KCNN2: variants seen among roughly 807,000 people sequenced by gnomAD.
The protein encoded by KCNN2 is potassium calcium-activated channel subfamily N member 2, also known as small conductance calcium-activated potassium channel protein 2.
In KCNN2, 24 loss-of-function variants were observed where a neutral mutation model predicts 55.5. That is an observed-to-expected ratio of 0.43 (90% CI 0.31 to 0.61). The LOEUF (loss-of-function observed/expected upper bound fraction) is 0.61. Ranked by LOEUF, KCNN2 falls within the 20% of genes least tolerant of loss-of-function variation. KCNN2 has a pLI of 0.08. For missense variants in KCNN2, 754 were observed against 853.6 expected (o/e 0.88, Z 1.45); for synonymous variants, 431 against 336.1 (o/e 1.28, Z -3.09).
chr5:114,134,163 T>A (rs1752123123), intron 1 of KCNN2, among the ~76,000 whole-genome samples: 1 of 151,348 alleles, frequency 6.6e-6, no homozygotes. Flanking sequence ...TAAGGCCGGC[T>A]TTTTTTTCTC....
chr5:114,377,628 C>T (rs899159713), intron 2 of KCNN2, among the ~76,000 whole-genome samples: 2 of 152,154 alleles, frequency 1.3e-5, no homozygotes, highest in African/African-American at 4.8e-5. Context: ...TCTATCTAGA[C>T]AGACATTTGT....
At chr5:114,168,414 G>A (rs1752963545) in intron 1 of KCNN2, among the ~76,000 whole-genome samples, 1 of 151,974 alleles carries the variant, frequency 6.6e-6, no homozygotes, top group South Asian at 2.1e-4. Flanking sequence ...TCTCCGGTTG[G>A]TTAAGCATTT....
At chr5:114,067,480 G>A (rs150377503) in intron 1 of KCNN2, among the ~76,000 whole-genome samples, 1 of 152,246 alleles carries the variant, frequency 6.6e-6, no homozygotes, top group Non-Finnish European at 1.5e-5. Flanking sequence ...AATCTAATGG[G>A]ATATAAGTGA....
chr5:114,345,627 T>C (rs1277415958), intron 2 of KCNN2, among the ~76,000 whole-genome samples: 1 of 152,198 alleles, frequency 6.6e-6, no homozygotes, highest in African/African-American at 2.4e-5. Flanking sequence ...ACATTAATTA[T>C]GATGTGTGTT....
At chr5:114,475,356 C>A (rs1481343788) in intron 5 of KCNN2, among the ~76,000 whole-genome samples, 1 of 151,786 alleles carries the variant, frequency 6.6e-6, no homozygotes, top group Non-Finnish European at 1.5e-5. Flanking sequence ...ACACTAGATG[C>A]CAGTAGCACT....
intron 2 of KCNN2, among the ~76,000 whole-genome samples, chr5:114,300,477 C>T (rs1289495495): frequency 6.6e-6 from 1 of 152,046 alleles, no homozygotes; most frequent in Non-Finnish European, 1.5e-5. Context: ...AAGAATGATG[C>T]AGACATTAAA....
chr5:114,284,196 T>C (rs1755685603), intron 2 of KCNN2, among the ~76,000 whole-genome samples: 1 of 152,214 alleles, frequency 6.6e-6, no homozygotes, highest in Non-Finnish European at 1.5e-5. Flanking sequence ...AATTCCCTAA[T>C]ATCTTAGGTC....
intron 2 of KCNN2, among the ~76,000 whole-genome samples, chr5:114,308,345 G>A (rs1391172944): frequency 1.3e-5 from 2 of 152,152 alleles, no homozygotes; most frequent in Admixed American, 6.6e-5. Context: ...TTGTATAAGA[G>A]CAGTTTAATT....
intron 1 of KCNN2, among the ~76,000 whole-genome samples, chr5:114,174,803 G>A (rs1753104820): frequency 6.6e-6 from 1 of 152,062 alleles, no homozygotes; most frequent in Non-Finnish European, 1.5e-5. Context: ...GATAATTTTG[G>A]CTGCCCCAGC....
intron 2 of KCNN2, among the ~76,000 whole-genome samples, chr5:114,235,549 A>G (rs1754472520): frequency 6.6e-6 from 1 of 152,334 alleles, no homozygotes; most frequent in South Asian, 2.1e-4. Flanking sequence ...ATAGTTTAGA[A>G]CTATACATTA....
intron 1 of KCNN2, among the ~76,000 whole-genome samples, chr5:114,200,537 T>A (rs756464294): frequency 2.0e-5 from 3 of 152,188 alleles, no homozygotes; most frequent in Admixed American, 1.3e-4. Flanking sequence ...TTGACTGGAA[T>A]CTGTTGCTGG....
chr5:114,306,132 A>T (rs1162103148), intron 2 of KCNN2, among the ~76,000 whole-genome samples: 3 of 152,206 alleles, frequency 2.0e-5, no homozygotes, highest in Non-Finnish European at 4.4e-5. Context: ...TTGAACTGGT[A>T]TCTTTACTGC....
chr5:114,340,123 G>A (rs1380190887), intron 2 of KCNN2, among the ~76,000 whole-genome samples: 2 of 152,110 alleles, frequency 1.3e-5, no homozygotes, highest in East Asian at 3.8e-4. Context: ...AATAAAGTAG[G>A]AGTCAATTTT....
At chr5:114,187,275 G>A (rs951400559) in intron 1 of KCNN2, among the ~76,000 whole-genome samples, 3 of 151,400 alleles carry the variant, frequency 2.0e-5, no homozygotes, top group Non-Finnish European at 4.4e-5. Flanking sequence ...AAAACTAGAC[G>A]GAAAAAATCT....
At chr5:114,473,238 TTTTGACA>T (rs1761830151) in intron 5 of KCNN2, 74 bp downstream of exon 5, 2 of 959,810 alleles carry the variant, frequency 2.1e-6, no homozygotes, top group East Asian at 5.2e-5. Flanking sequence ...ATGGTTTTTA[TTTTGACA>T]TCCGAAGCTG....
rs540877787 is a variant in KCNN2 at position 114,478,383 on chromosome 5, A to T, written c.1890+5219A>T. On this transcript the variant is annotated intron_variant, in intron 5 of 7. Transcript: ENST00000673685. ...TGAAAAAGAGTGAACAAAACCTCCG[A>T]GAATATGGGATTATGTAAAGAGATC... 5.6e-4 allele frequency among the ~76,000 whole-genome samples: 86 copies of T among 152,298 alleles called. 1 individual carries two copies. Among genetic ancestry groups the T allele is most frequent in the African/African-American group, 2.0e-3 (83 of 41,570 alleles).
intron 2 of KCNN2, among the ~76,000 whole-genome samples, chr5:114,385,430 ATCTT>A (rs1758246996): frequency 6.6e-6 from 1 of 151,942 alleles, no homozygotes; most frequent in Non-Finnish European, 1.5e-5. Context: ...AAAAGCCAGA[ATCTT>A]TCTTGTGGCG....
intron 1 of KCNN2, among the ~76,000 whole-genome samples, chr5:114,166,295 A>T (rs978773013): frequency 6.6e-6 from 1 of 152,186 alleles, no homozygotes; most frequent in Admixed American, 6.5e-5. Context: ...TATTTACTCC[A>T]TAACAACCAA....
intron 2 of KCNN2, among the ~76,000 whole-genome samples, chr5:114,256,628 T>A (rs1422333002): frequency 5.3e-5 from 8 of 152,178 alleles, no homozygotes; most frequent in Non-Finnish European, 1.0e-4. Flanking sequence ...GGATTAGTGA[T>A]GTTGGGCATT....
Sources: allele counts gnomAD v4.1 joint callset (sites outside exome capture counted in the v4.1 genomes callset), GRCh38; gene constraint gnomAD v4.1.1; transcripts MANE v1.5; gene names NCBI Gene and HGNC (gene_info 2026-07-23, HGNC 2026-07-21).